Variants in ADAM10 observed in about 807,000 individuals in gnomAD.
ADAM10 encodes the protein ADAM metallopeptidase domain 10.
Under a neutral mutation model 90.1 loss-of-function variants are expected in ADAM10, and 17 were observed. The observed-to-expected ratio is 0.19, with a 90% CI of 0.13 to 0.28. ADAM10 has a LOEUF of 0.28. Ranked by LOEUF, ADAM10 falls within the 10% of genes least tolerant of loss-of-function variation. The pLI, the probability that ADAM10 is intolerant of heterozygous loss-of-function variation, is 1.00. For missense variants in ADAM10, 610 were observed against 914.3 expected (o/e 0.67, Z 4.29); for synonymous variants, 310 against 298.6 (o/e 1.04, Z -0.40).
intron 2 of ADAM10, chr15:58,693,194 G>C (rs565225928): frequency 5.3e-5 from 37 of 696,214 alleles, no homozygotes; most frequent in Admixed American, 1.3e-4. Flanking sequence ...ACCTCTGCAG[G>C]CATCTTGAAA....
chr15:58,729,508 A>G (rs1476632448), intron 1 of ADAM10, among the ~76,000 whole-genome samples: 1 of 152,232 alleles, frequency 6.6e-6, no homozygotes, highest in Non-Finnish European at 1.5e-5. Context: ...AGACTACCCC[A>G]GAGTGATCTG....
chr15:58,749,328 A>C, intron 1 of ADAM10, 152 bp downstream of exon 1: 1 of 1,086,864 alleles, frequency 9.2e-7, no homozygotes, highest in Non-Finnish European at 1.2e-6. Flanking sequence ...GCGGGGGACA[A>C]TAGGGAGCGG....
At chr15:58,696,719 C>T (rs1897990156) in intron 2 of ADAM10, among the ~76,000 whole-genome samples, 5 of 152,114 alleles carry the variant, frequency 3.3e-5, no homozygotes, top group Admixed American at 3.3e-4. Context: ...CCCACTTCAG[C>T]CTGGGAAAGT....
chr15:58,633,818 G>C (rs1896170171), intron 8 of ADAM10, among the ~76,000 whole-genome samples: 1 of 151,566 alleles, frequency 6.6e-6, no homozygotes, highest in East Asian at 1.9e-4. Flanking sequence ...GAAGCAGTGA[G>C]GCACATGAGC....
At chr15:58,677,888 A>G (rs1897332334) in intron 4 of ADAM10, among the ~76,000 whole-genome samples, 1 of 152,188 alleles carries the variant, frequency 6.6e-6, no homozygotes. Flanking sequence ...AAGAACTTAC[A>G]TACCCTGATA....
chr15:58,739,459 G>A (rs1290684288), intron 1 of ADAM10, among the ~76,000 whole-genome samples: 1 of 152,162 alleles, frequency 6.6e-6, no homozygotes, highest in Non-Finnish European at 1.5e-5. Context: ...GGAGCTGGCA[G>A]TGAGCCGAGA....
chr15:58,656,154 G>A (rs879402019), intron 5 of ADAM10, among the ~76,000 whole-genome samples: 1 of 152,090 alleles, frequency 6.6e-6, no homozygotes, highest in Non-Finnish European at 1.5e-5. Context: ...TTTCCGCTGG[G>A]ATGGAATATC....
intron 9 of ADAM10, among the ~76,000 whole-genome samples, chr15:58,628,603 C>G (rs118167666): frequency 6.6e-6 from 1 of 152,076 alleles, no homozygotes; most frequent in African/African-American, 2.4e-5. Context: ...CAAAGTAATG[C>G]TTATGAGACC....
intron 1 of ADAM10, among the ~76,000 whole-genome samples, chr15:58,739,163 A>G (rs1339978848): frequency 1.3e-5 from 2 of 152,152 alleles, no homozygotes; most frequent in East Asian, 3.8e-4. Flanking sequence ...GATTTCTGCT[A>G]CTGGATGGAT....
At chr15:58,692,587 T>C (rs778955824) in intron 2 of ADAM10, 127 of 554,552 alleles carry the variant, frequency 2.3e-4, no homozygotes, top group Non-Finnish European at 4.2e-4. Context: ...GAACTGAGGG[T>C]GCTTCTTCAC....
chr15:58,624,402 ATT>A (rs1388535541), intron 10 of ADAM10, among the ~76,000 whole-genome samples: 2 of 152,362 alleles, frequency 1.3e-5, no homozygotes, highest in South Asian at 2.1e-4. Flanking sequence ...ATGACACGTA[ATT>A]TATAAGAAAA....
intron 1 of ADAM10, among the ~76,000 whole-genome samples, chr15:58,726,129 T>C (rs1311823186): frequency 2.0e-5 from 3 of 152,074 alleles, no homozygotes; most frequent in Non-Finnish European, 4.4e-5. Flanking sequence ...TGTGTAACAA[T>C]AACAGCACAA....
intron 8 of ADAM10, among the ~76,000 whole-genome samples, chr15:58,634,128 T>C (rs570184891): frequency 2.7e-4 from 41 of 152,076 alleles, no homozygotes; most frequent in African/African-American, 8.7e-4. Context: ...CTGGCCAACA[T>C]GGTGAAACCC....
rs1363525120 is a variant in ADAM10, at chr15:58,607,502, T to C, written c.2025+2795A>G. Among the ~76,000 whole-genome samples, 4 of 152,304 alleles carry C rather than the reference T, an allele frequency of 2.6e-5. No homozygotes were observed. In the South Asian group the frequency reaches 6.2e-4, roughly 24 times the overall value. ...GTAGTTTTCCAGATTCATTTGACCA[T>C]TGAAGGCCCAGAACATCTAATGGAA... On this transcript the variant is annotated intron_variant, in intron 14 of 15. Transcript: ENST00000260408.
rs373417080 is a variant in ADAM10 at position 58,677,596 on chromosome 15, A to C, written c.484+1528T>G. 1.1e-4 allele frequency among the ~76,000 whole-genome samples: 16 copies of C among 152,210 alleles called. No homozygotes were observed. The East Asian group carries it at 1.7e-3, about 16-fold the overall frequency. On this transcript the variant is annotated intron_variant, in intron 4 of 15. Coordinates refer to ENST00000260408, the MANE Select transcript of ADAM10 (RefSeq NM_001110.4). ...AGAAGAAGGAAAACATGAGAGAGGC[A>C]CAATAACAGAAGTCAAAACAGGCAG...
At chr15:58,617,312 A>C (rs1300201663) in intron 11 of ADAM10, among the ~76,000 whole-genome samples, 8 of 152,118 alleles carry the variant, frequency 5.3e-5, no homozygotes. Flanking sequence ...CTATATGCCA[A>C]TAAATGGGAA....
intron 2 of ADAM10, among the ~76,000 whole-genome samples, chr15:58,712,057 A>G (rs1898490823): frequency 2.6e-5 from 4 of 152,194 alleles, no homozygotes; most frequent in African/African-American, 7.2e-5. Flanking sequence ...TCTTGCAATG[A>G]AGTTTTTCTC....
intron 1 of ADAM10, among the ~76,000 whole-genome samples, chr15:58,719,941 T>C (rs1181786501): frequency 2.0e-5 from 3 of 152,174 alleles, no homozygotes; most frequent in African/African-American, 7.2e-5. Flanking sequence ...TTATCCATCA[T>C]CATCATCTCT....
intron 2 of ADAM10, chr15:58,692,479 T>C (rs766134953): frequency 3.8e-6 from 2 of 519,660 alleles, no homozygotes; most frequent in African/African-American, 2.0e-5. Context: ...TTCTTTATCA[T>C]CTTTATCTTC....
Sources: allele counts gnomAD v4.1 joint callset (sites outside exome capture counted in the v4.1 genomes callset), GRCh38; gene constraint gnomAD v4.1.1; transcripts MANE v1.5; gene names NCBI Gene and HGNC (gene_info 2026-07-23, HGNC 2026-07-21).